The following AK5 variants were observed in gnomAD, a reference collection of about 807,000 sequenced individuals.
AK5 encodes the protein adenylate kinase isoenzyme 5.
A neutral mutation model predicts 69.5 loss-of-function variants in AK5; 27 were observed. The observed-to-expected ratio is 0.39, with a 90% CI of 0.29 to 0.54. The LOEUF (loss-of-function observed/expected upper bound fraction) is 0.54. Ranked by LOEUF, AK5 falls within the 20% of genes least tolerant of loss-of-function variation. The probability of loss-of-function intolerance (pLI) is 0.71; values close to 1 mark genes in which losing one functional copy is unlikely to be tolerated. For synonymous variants in AK5, 260 were observed against 244.4 expected, an observed-to-expected ratio of 1.06 and a Z score of -0.60; for missense variants, 531 against 700.4, an observed-to-expected ratio of 0.76 and a Z score of 2.73.
At chr1:77,300,013 G>A (rs1001039578) in intron 5 of AK5, among the ~76,000 whole-genome samples, 2 of 151,996 alleles carry the variant, frequency 1.3e-5, no homozygotes, top group African/African-American at 2.4e-5. Flanking sequence ...CTTTAATTTC[G>A]TATTCACTTT....
intron 8 of AK5, among the ~76,000 whole-genome samples, chr1:77,478,272 G>A (rs1655065480): frequency 6.6e-6 from 1 of 152,192 alleles, no homozygotes; most frequent in African/African-American, 2.4e-5. Flanking sequence ...GATATGGTTT[G>A]GCTCTGTGTC....
At chr1:77,283,430 T>C in intron 1 of AK5, 1 of 886,244 alleles carries the variant, frequency 1.1e-6, no homozygotes, top group Non-Finnish European at 1.3e-6. Flanking sequence ...GTCATGAGGG[T>C]TTTTCCCCCC....
intron 6 of AK5, among the ~76,000 whole-genome samples, chr1:77,385,568 A>G (rs1570480021): frequency 1.3e-5 from 2 of 152,190 alleles, no homozygotes; most frequent in African/African-American, 4.8e-5. Flanking sequence ...TTAGGCATCA[A>G]ATTCCCACTG....
intron 6 of AK5, among the ~76,000 whole-genome samples, chr1:77,369,693 C>A (rs2100471690): frequency 6.6e-6 from 1 of 152,116 alleles, no homozygotes; most frequent in South Asian, 2.1e-4. Flanking sequence ...AATGTGAATT[C>A]TTTAAAATAA....
chr1:77,303,292 C>G (rs958034289), intron 5 of AK5, among the ~76,000 whole-genome samples: 1 of 152,028 alleles, frequency 6.6e-6, no homozygotes, highest in African/African-American at 2.4e-5. Context: ...TGTTAAGGAC[C>G]TCAAAAAGCT....
intron 6 of AK5, among the ~76,000 whole-genome samples, chr1:77,359,025 G>A (rs1646803488): frequency 6.6e-6 from 1 of 151,976 alleles, no homozygotes; most frequent in Non-Finnish European, 1.5e-5. Flanking sequence ...AGAGGCTGAG[G>A]CGGGCGGATC....
intron 6 of AK5, among the ~76,000 whole-genome samples, chr1:77,373,006 A>G (rs538402508): frequency 6.6e-6 from 1 of 152,294 alleles, no homozygotes; most frequent in East Asian, 1.9e-4. Context: ...TAAAAATGTG[A>G]CAAGCATCTT....
chr1:77,531,079 C>T (rs187218453), intron 12 of AK5, among the ~76,000 whole-genome samples: 7 of 152,204 alleles, frequency 4.6e-5, no homozygotes, highest in African/African-American at 1.2e-4. Flanking sequence ...TGGACCCTCG[C>T]GGTGAGTGTT....
At chr1:77,402,143 A>T (rs1337706913) in intron 6 of AK5, among the ~76,000 whole-genome samples, 2 of 152,102 alleles carry the variant, frequency 1.3e-5, no homozygotes, top group Admixed American at 6.5e-5. Context: ...ATCTCCCTGG[A>T]TCCTTTTCTG....
At chr1:77,411,616 C>G (rs1650050419) in intron 7 of AK5, among the ~76,000 whole-genome samples, 1 of 152,150 alleles carries the variant, frequency 6.6e-6, no homozygotes, top group Non-Finnish European at 1.5e-5. Context: ...TGACCCCCCT[C>G]TCATTCTCTC....
intron 5 of AK5, chr1:77,314,833 A>C (rs1660161804): frequency 6.6e-6 from 1 of 152,176 alleles, no homozygotes; most frequent in Non-Finnish European, 1.5e-5. Context: ...TGTAAGGTCC[A>C]TAGTATTCCA....
chr1:77,282,233 A>T lies in AK5; in HGVS notation c.-81A>T. On this transcript the variant is annotated 5_prime_UTR_variant, in exon 1 of 14. Coordinates refer to ENST00000354567, the MANE Select transcript of AK5 (RefSeq NM_174858.3). The stretch of plus-strand genomic sequence containing the variant: ...ACCGCTGCTCGGCGCGGACTCTGCC[A>T]GCCCCAGCTTCAGCCCCGGCTCAGG... 4 of 1,375,726 alleles carry T rather than the reference A, an allele frequency of 2.9e-6. No individual in the cohort carries two copies. The highest frequency in any genetic ancestry group is 4.0e-6 in the Non-Finnish European group (4 of 1,009,562). 85.2% of individuals were successfully genotyped at this position (1,375,726 alleles called of 1,614,324 possible).
At chr1:77,449,134 G>C (rs779230547) in intron 8 of AK5, among the ~76,000 whole-genome samples, 1 of 152,160 alleles carries the variant, frequency 6.6e-6, no homozygotes. Context: ...CTGTCCTCCA[G>C]ACCCCAGAAT....
rs191605851 is a variant in AK5 at position 77,301,454 on chromosome 1, G to T, written c.699+3507G>T. 4.2e-3 allele frequency among the ~76,000 whole-genome samples: 645 copies of T among 152,320 alleles called. 2 individuals carry two copies. Among genetic ancestry groups the T allele is most frequent in the Admixed American group, 0.013 (192 of 15,296 alleles). On this transcript the variant is annotated intron_variant, in intron 5 of 13. Transcript: ENST00000354567. ...AGTCCAGCTGGGCAGCCAGGTGCCTGGCAGCAATGCTATTACTATGGAAGT... is the reference window on the plus strand; with the variant it reads ...AGTCCAGCTGGGCAGCCAGGTGCCTTGCAGCAATGCTATTACTATGGAAGT...
At chr1:77,363,848 T>A (rs1646906702) in intron 6 of AK5, among the ~76,000 whole-genome samples, 1 of 152,232 alleles carries the variant, frequency 6.6e-6, no homozygotes, top group African/African-American at 2.4e-5. Context: ...ACACTCCTGA[T>A]CCTTCCTACC....
intron 2 of AK5, among the ~76,000 whole-genome samples, chr1:77,290,445 C>T (rs1395621147): frequency 6.6e-6 from 1 of 152,074 alleles, no homozygotes; most frequent in Non-Finnish European, 1.5e-5. Context: ...TGAAATGAAA[C>T]ATTTTCATCA....
intron 7 of AK5, among the ~76,000 whole-genome samples, chr1:77,413,024 C>G (rs1236252558): frequency 1.4e-5 from 2 of 139,298 alleles, no homozygotes; most frequent in Non-Finnish European, 3.1e-5. Flanking sequence ...GAATGCAGCT[C>G]TAATCATCCT....
At chr1:77,349,296 A>G (rs998155521) in intron 6 of AK5, 3 of 152,240 alleles carry the variant, frequency 2.0e-5, no homozygotes, top group Non-Finnish European at 1.5e-5. Context: ...ACATTAAAAA[A>G]AACTAAAAAA....
intron 5 of AK5, among the ~76,000 whole-genome samples, chr1:77,323,014 A>G (rs569841140): frequency 2.6e-5 from 4 of 151,286 alleles, no homozygotes; most frequent in African/African-American, 9.7e-5. Context: ...TTGAGACAGA[A>G]TTTCGCTCTG....
Sources: allele counts gnomAD v4.1 joint callset (sites outside exome capture counted in the v4.1 genomes callset), GRCh38; gene constraint gnomAD v4.1.1; transcripts MANE v1.5; gene names NCBI Gene and HGNC (gene_info 2026-07-23, HGNC 2026-07-21).